Variants in TMEM258 observed in about 807,000 individuals in gnomAD.
TMEM258 encodes transmembrane protein 258, also known as dolichyl-diphosphooligosaccharide--protein glycosyltransferase subunit TMEM258.
A neutral mutation model predicts 9.9 loss-of-function variants in TMEM258; 11 were observed. That is an observed-to-expected ratio of 1.11 (90% CI 0.70 to 1.85). The LOEUF is 1.85. Ranked by LOEUF, TMEM258 falls within the 40% of genes most tolerant of loss-of-function variation. TMEM258 has a pLI of 0.00. For synonymous variants in TMEM258, 40 were observed against 39.1 expected (o/e 1.02, Z -0.09); for missense variants, 81 against 99.7 (o/e 0.81, Z 0.80).
rs2066769171 is a variant in TMEM258 at position 61,789,862 on chromosome 11, A to G, written c.173T>C (p.Leu58Ser). The part of the protein sequence containing the change: ...RDIYKELLIS[L>S]VASLFMGFGV... ...AAAGCCCATGAAGAGTGAGGCCACTAAGGAGATGAGGAGCTCTTTATAGAT... is the reference window on the plus strand; with the variant it reads ...AAAGCCCATGAAGAGTGAGGCCACTGAGGAGATGAGGAGCTCTTTATAGAT... The change falls in exon 3 of 4, where the codon TTA (leucine) becomes TCA (serine). Residue 58 changes from leucine (L) to serine (S), a missense_variant. Leu to Ser is a moderately radical substitution (Grantham distance 145). Coordinates refer to ENST00000537328, the MANE Select transcript of TMEM258 (RefSeq NM_014206.4). The G allele has an allele frequency of 6.2e-7, 1 of 1,613,620 alleles. No homozygotes were observed. Among genetic ancestry groups the G allele is most frequent in the African/African-American group, 1.3e-5 (1 of 74,914 alleles).
chr11:61,789,592 G>T, intron 3 of TMEM258, 193 bp downstream of exon 3: 1 of 615,820 alleles, frequency 1.6e-6, no homozygotes, highest in Non-Finnish European at 2.7e-6. Context: ...AGTCACATTT[G>T]GCTCAAATCC....
rs369950639 is a variant in TMEM258 at position 61,790,606 on chromosome 11, G to C, written c.4-4C>G. The C allele has an allele frequency of 2.9e-5, 46 of 1,612,124 alleles. No individual in the cohort carries two copies. The highest frequency in any genetic ancestry group is 3.8e-5 in the Non-Finnish European group (45 of 1,178,802). On this transcript the variant is annotated splice_region_variant and splice_polypyrimidine_tract_variant and intron_variant, in intron 1 of 3. Coordinates refer to ENST00000537328, the MANE Select transcript of TMEM258 (RefSeq NM_014206.4). ...ATCTGCTCATGGCCTCGAGCTCCTA[G>C]AGGAGGGAAAGAGATCAGAGCTATC...
intron 1 of TMEM258, 134 bp downstream of exon 1, chr11:61,792,422 C>G: frequency 7.6e-7 from 1 of 1,319,816 alleles, no homozygotes. Context: ...CCTTCCCCAC[C>G]CTTCAGCCCA....
rs780356904 is a variant in TMEM258, at chr11:61,792,540, C to T, written c.3+16G>A. ...GTCCTCGCATCTCCGTCTGGAACTC[C>T]CCTCAACGCTCTCACCATTTTGCCC... On this transcript the variant is annotated intron_variant, in intron 1 of 3. Transcript: ENST00000537328. The T allele has an allele frequency of 1.2e-6, 2 of 1,613,978 alleles. No homozygotes were observed. The highest frequency in any genetic ancestry group is 1.7e-6 in the Non-Finnish European group (2 of 1,180,000).
At chr11:61,790,032 A>G in intron 2 of TMEM258, 111 bp from the exon 3 acceptor site, 4 of 1,385,836 alleles carry the variant, frequency 2.9e-6, no homozygotes, top group Non-Finnish European at 2.9e-6. Flanking sequence ...TGGGAGGCCT[A>G]TCTGGCTCAG....
In TMEM258 at chr11:61,789,849, G is replaced by A; in HGVS notation, c.186C>T (p.Leu62=). 6.2e-7 allele frequency: 1 copy of A among 1,613,830 alleles called. No homozygotes were observed. The highest frequency in any genetic ancestry group is 8.5e-7 in the Non-Finnish European group (1 of 1,179,860). ...KELLISLVAS[L]FMGFGVLFLL... ...GGAAGAGGACTCCAAAGCCCATGAA[G>A]AGTGAGGCCACTAAGGAGATGAGGA... is the stretch of plus-strand genomic sequence containing the variant. Residue 62 remains leucine (L), a synonymous_variant, in exon 3 of 4, where the codon CTC becomes CTT. Transcript: ENST00000537328.
rs1018173939 is a variant in TMEM258, at chr11:61,792,469, T to G, written c.3+87A>C. 3 of 1,587,400 alleles carry G rather than the reference T, an allele frequency of 1.9e-6. No individual in the cohort carries two copies. The Admixed American group carries it at 5.0e-5, about 26-fold the overall frequency. On this transcript the variant is annotated intron_variant, in intron 1 of 3. Transcript: ENST00000537328. ...CCAGGAGCGTCTAGCCCTCTGGATC[T>G]CCGGCGTCTGAGGAGATAAGCGCGG...
Position 61,789,909 on chromosome 11 carries a change from G to T in TMEM258, c.126C>A (p.Thr42=). 1 of 1,613,274 alleles carries T rather than the reference G, an allele frequency of 6.2e-7. No homozygotes were observed. Among genetic ancestry groups the T allele is most frequent in the Non-Finnish European group, 8.5e-7 (1 of 1,179,606 alleles). The change falls in exon 3 of 4, where the codon ACC becomes ACA. Residue 42 remains threonine, a synonymous_variant. Transcript: ENST00000537328. ...AGATATCACGAGTGTACTTGGTAGA[G>T]GTGACCTCGTAACTGGGCACAGCAG... ...FTAWFFVYEV[T]STKYTRDIYK... is the part of the protein sequence containing the mutation.
At chr11:61,792,376 T>G in intron 1 of TMEM258, 180 bp downstream of exon 1, 10 of 780,278 alleles carry the variant, frequency 1.3e-5, no homozygotes, top group Non-Finnish European at 1.9e-5. Flanking sequence ...AATCGCGAGC[T>G]GAGAAACCTA....
chr11:61,792,209 T>C, intron 1 of TMEM258: 2 of 325,042 alleles, frequency 6.2e-6, no homozygotes, highest in South Asian at 3.0e-5. Context: ...TGCCTGAGAG[T>C]TGGAAGTGCT....
chr11:61,789,534 A>C (rs1009538546), intron 3 of TMEM258, among the ~76,000 whole-genome samples: 1 of 152,258 alleles, frequency 6.6e-6, no homozygotes, highest in African/African-American at 2.4e-5. Context: ...TAGGTGGTAC[A>C]TCCCAAAGGC....
Position 61,789,669 on chromosome 11 carries a change from A to G in TMEM258, c.*10+116T>C, listed in dbSNP as rs868141181. 4.8e-6 allele frequency: 6 copies of G among 1,260,212 alleles called. No individual in the cohort carries two copies. The South Asian group carries it at 6.4e-5, about 13-fold the overall frequency. 78.1% of individuals were successfully genotyped at this position (1,260,212 alleles called of 1,614,324 possible). On this transcript the variant is annotated intron_variant, in intron 3 of 3. Transcript: ENST00000537328. ...TACCCATTCCACTGAGTCTGTCTCC[A>G]TCAACCAAGGGGTCATGCTGGTAAG...
chr11:61,790,169 G>C, intron 2 of TMEM258: 1 of 576,610 alleles, frequency 1.7e-6, no homozygotes, highest in South Asian at 2.2e-5. Flanking sequence ...CCGGAGCTGG[G>C]ACTAGCCCTC....
At chr11:61,792,394 C>T (rs891016522) in intron 1 of TMEM258, 162 bp downstream of exon 1, 2 of 999,796 alleles carry the variant, frequency 2.0e-6, no homozygotes, top group Non-Finnish European at 3.1e-6. Context: ...CTAAGGAGTT[C>T]ATGGCAAGGG....
At chr11:61,792,484 G>C (rs1371235583) in intron 1 of TMEM258, 72 bp downstream of exon 1, 2 of 1,606,302 alleles carry the variant, frequency 1.2e-6, no homozygotes, top group Admixed American at 1.7e-5. Flanking sequence ...CGTCTGAGGA[G>C]ATAAGCGCGG....
rs1178933028 is a variant in TMEM258 at position 61,791,248 on chromosome 11, G to A, written c.4-646C>T. Among the ~76,000 whole-genome samples, 7 of 151,306 alleles carry A rather than the reference G, an allele frequency of 4.6e-5. No homozygotes were observed. In the East Asian group the frequency reaches 1.2e-3, roughly 25 times the overall value. On this transcript the variant is annotated intron_variant, in intron 1 of 3. Coordinates refer to ENST00000537328, the MANE Select transcript of TMEM258 (RefSeq NM_014206.4). ...TGAGATTACAGGTGTGAGTTGCCGC[G>A]CCCAGGCTCAATTTTTTTTTTTTTC...
At chr11:61,792,458 C>T (rs745987561) in intron 1 of TMEM258, 98 bp downstream of exon 1, 2 of 1,552,394 alleles carry the variant, frequency 1.3e-6, no homozygotes, top group Non-Finnish European at 1.8e-6. Flanking sequence ...GAGCGTCTAG[C>T]CCTCTGGATC....
Position 61,790,491 on chromosome 11 carries a change from A to C in TMEM258, c.113+2T>G, listed in dbSNP as rs2066776290. On this transcript the variant is annotated splice_donor_variant, in intron 2 of 3. Coordinates refer to ENST00000537328, the MANE Select transcript of TMEM258 (RefSeq NM_014206.4). LOFTEE classifies it high-confidence loss of function. The stretch of plus-strand genomic sequence containing the variant: ...TCCTCTGGCTGCTCAGTGAAAGGAT[A>C]CACGAAGAACCAGGCGGTGAAGAAC... 1 of 1,613,102 alleles carries C rather than the reference A, an allele frequency of 6.2e-7. No individual in the cohort carries two copies. The highest frequency in any genetic ancestry group is 1.1e-5 in the South Asian group (1 of 90,872).
intron 2 of TMEM258, 139 bp from the exon 3 acceptor site, chr11:61,790,060 G>T (rs571121440): frequency 5.6e-6 from 6 of 1,075,828 alleles, no homozygotes; most frequent in Admixed American, 2.9e-5. Context: ...AGGCAGAGGG[G>T]CCTAAGAGAT....
Sources: gnomAD v4.1 joint callset for allele counts (sites outside exome capture counted in the v4.1 genomes callset) on GRCh38, gnomAD v4.1.1 for gene constraint, MANE v1.5 for transcripts, NCBI Gene and HGNC (gene_info 2026-07-23, HGNC 2026-07-21) for gene names.